VPS13A: variants seen among roughly 807,000 people sequenced by gnomAD.
The protein encoded by VPS13A is intermembrane lipid transfer protein VPS13A.
VPS13A carries 264 observed loss-of-function variants against 390.9 expected under a neutral mutation model. The ratio of observed to expected loss-of-function variants is 0.68; its 90% confidence interval spans 0.61 to 0.75. The LOEUF (loss-of-function observed/expected upper bound fraction) is 0.75. Ranked by LOEUF, VPS13A falls within the 30% of genes least tolerant of loss-of-function variation. The pLI is 0.00. For missense variants in VPS13A, 3,409 were observed against 3,733.9 expected (o/e 0.91, Z 2.27); for synonymous variants, 1,231 against 1,227.1 (o/e 1.00, Z -0.07).
chr9:77,179,029 A>G (rs1312313853), intron 1 of VPS13A, among the ~76,000 whole-genome samples: 1 of 152,194 alleles, frequency 6.6e-6, no homozygotes, highest in Non-Finnish European at 1.5e-5. Flanking sequence ...ATAGCTGCTC[A>G]GCCTGTTTGA....
At chr9:77,232,001 A>G (rs1247970521) in intron 17 of VPS13A, among the ~76,000 whole-genome samples, 3 of 152,308 alleles carry the variant, frequency 2.0e-5, no homozygotes, top group African/African-American at 7.2e-5. Flanking sequence ...CTTGTTGAAG[A>G]CACTATTCTT....
At chr9:77,406,750 G>GTAAT (rs1386206069) in intron 70 of VPS13A, among the ~76,000 whole-genome samples, 3 of 148,968 alleles carry the variant, frequency 2.0e-5, no homozygotes, top group African/African-American at 7.4e-5. Context: ...AAGAAAGAAT[G>GTAAT]TAATTCTTCT....
intron 7 of VPS13A, among the ~76,000 whole-genome samples, chr9:77,212,264 C>T (rs1047189470): frequency 6.6e-6 from 1 of 152,050 alleles, no homozygotes. Context: ...CCTGGTTTTA[C>T]TTTTTTTCTC....
rs138532040 is a variant in VPS13A at position 77,361,658 on chromosome 9, A to T, written c.8211+1017A>T. On this transcript the variant is annotated intron_variant, in intron 59 of 71. Transcript: ENST00000360280. ...CTAGGTATATAGCCAAAAGAAATAAAATTTTATTAGAAGTGGAATTGCTCA... is the reference window on the plus strand; with the variant it reads ...CTAGGTATATAGCCAAAAGAAATAATATTTTATTAGAAGTGGAATTGCTCA... Among the ~76,000 whole-genome samples, 652 of 152,204 alleles carry T rather than the reference A, an allele frequency of 4.3e-3. 4 individuals are homozygous for T. The highest frequency in any genetic ancestry group is 0.01 in the South Asian group (50 of 4,832).
At position 77,407,108 on chromosome 9, in the gene VPS13A, G is replaced by A. The variant is rs146314987; in HGVS notation, c.9400-425G>A. 1.8e-3 allele frequency among the ~76,000 whole-genome samples: 280 copies of A among 152,200 alleles called. 3 individuals are homozygous for A. Among genetic ancestry groups the A allele is most frequent in the Admixed American group, 0.016 (252 of 15,276 alleles). ...ACGCACACATGCACATACAATATAT[G>A]TATGTGTTTATGTACGTATGCATAC... On this transcript the variant is annotated intron_variant, in intron 70 of 71. Coordinates refer to ENST00000360280, the MANE Select transcript of VPS13A (RefSeq NM_033305.3).
intron 71 of VPS13A, among the ~76,000 whole-genome samples, chr9:77,412,026 C>A (rs1834956443): frequency 6.6e-6 from 1 of 152,104 alleles, no homozygotes; most frequent in Admixed American, 6.5e-5. Context: ...CACATACACC[C>A]TCCCAAGACT....
chr9:77,261,844 C>G (rs1015341635), intron 23 of VPS13A, among the ~76,000 whole-genome samples: 2 of 152,020 alleles, frequency 1.3e-5, no homozygotes, highest in Non-Finnish European at 2.9e-5. Context: ...ACTGGGCTCC[C>G]AAGTACTGGG....
rs1294716994 is a variant in VPS13A at position 77,227,439 on chromosome 9, C to A, written c.1406C>A (p.Ala469Glu). 1 of 1,613,682 alleles carries A rather than the reference C, an allele frequency of 6.2e-7. No homozygotes were observed. Among genetic ancestry groups the A allele is most frequent in the Non-Finnish European group, 8.5e-7 (1 of 1,179,828 alleles). ...GAAGAAAAAGCTTTACTCTATGAAG[C>A]AATTGGCTATAGTGAAACAGCAGTT... Reference protein sequence around the residue: ...TPEEKALLYEAIGYSETAVDP... With the variant: ...TPEEKALLYEEIGYSETAVDP... The change falls in exon 16 of 72, where the codon GCA (alanine) becomes GAA (glutamate). Residue 469 changes from alanine (A) to glutamate (E), a missense_variant. Ala to Glu is a moderately radical substitution (Grantham distance 107). Transcript: ENST00000360280.
At position 77,416,054 on chromosome 9, in the gene VPS13A, T is replaced by G; in HGVS notation, c.*48T>G. ...CACAGCAATAAGTGATTACAGCTCC[T>G]AGACTACCTTCCAAAACCTGTTTGG... On this transcript the variant is annotated 3_prime_UTR_variant, in exon 72 of 72. Coordinates refer to ENST00000360280, the MANE Select transcript of VPS13A (RefSeq NM_033305.3). 36 of 1,599,054 alleles carry G rather than the reference T, an allele frequency of 2.3e-5. No individual in the cohort carries two copies. The highest frequency in any genetic ancestry group is 2.7e-5 in the African/African-American group (2 of 74,712).
chr9:77,352,143 AT>A (rs1831508878), intron 53 of VPS13A, among the ~76,000 whole-genome samples: 1 of 152,250 alleles, frequency 6.6e-6, no homozygotes, highest in Admixed American at 6.5e-5. Context: ...TACTAGGTAG[AT>A]TTAGCTTCTG....
At chr9:77,407,761 G>A (rs1237558431) in intron 71 of VPS13A, 154 bp downstream of exon 71, 1 of 619,274 alleles carries the variant, frequency 1.6e-6, no homozygotes, top group Non-Finnish European at 2.8e-6. Flanking sequence ...TATGTAACCA[G>A]ATAATATTTA....
At chr9:77,281,306 C>A (rs1247593059) in intron 27 of VPS13A, among the ~76,000 whole-genome samples, 2 of 151,792 alleles carry the variant, frequency 1.3e-5, no homozygotes, top group Non-Finnish European at 1.5e-5. Flanking sequence ...TGTCTCACCA[C>A]AAAGAAAGAT....
In VPS13A at chr9:77,239,835, A is replaced by C. The variant is rs555984596; in HGVS notation, c.1900+1449A>C. ...GATACCTTTCTTCCCCCTTCCCTAC[A>C]ATCTACTATTGGGAAGTTAAATATT... On this transcript the variant is annotated intron_variant, in intron 19 of 71. Transcript: ENST00000360280. Among the ~76,000 whole-genome samples the C allele has an allele frequency of 5.3e-5, 8 of 151,984 alleles. No individual in the cohort carries two copies. In the East Asian group the frequency reaches 1.5e-3, roughly 29 times the overall value.
At chr9:77,298,429 G>A (rs1176582110) in intron 33 of VPS13A, among the ~76,000 whole-genome samples, 3 of 152,164 alleles carry the variant, frequency 2.0e-5, no homozygotes, top group South Asian at 2.1e-4. Context: ...CAAAAGAGAC[G>A]AAGTAGGAGC....
chr9:77,344,242 C>A lies in VPS13A; in HGVS notation c.7116C>A (p.Asn2372Lys). The change falls in exon 51 of 72, where the codon AAC becomes AAA. Residue 2372 changes from asparagine (N) to lysine (K), a missense_variant. Physicochemically the swap from Asn to Lys is moderately conservative, Grantham distance 94. Transcript: ENST00000360280. ...SEDPPKRIYF[N>K]KQENCILLRL... ...ATCCTCCCAAAAGGATATATTTTAA[C>A]AAGCAGGAAAATTGTATTCTATTGC... The A allele has an allele frequency of 1.2e-6, 2 of 1,613,382 alleles. No individual in the cohort carries two copies. The highest frequency in any genetic ancestry group is 1.7e-6 in the Non-Finnish European group (2 of 1,179,652).
At chr9:77,209,323 A>C (rs1825844103) in intron 5 of VPS13A, 100 bp from the exon 6 acceptor site, 1 of 795,846 alleles carries the variant, frequency 1.3e-6, no homozygotes, top group Non-Finnish European at 2.1e-6. Flanking sequence ...ATATATATGT[A>C]TATTTCAGCA....
chr9:77,239,127 A>C (rs1824318037), intron 19 of VPS13A, among the ~76,000 whole-genome samples: 1 of 151,980 alleles, frequency 6.6e-6, no homozygotes, highest in African/African-American at 2.4e-5. Context: ...TACATGAAAA[A>C]TGCCTCATTA....
chr9:77,251,157 T>G (rs913896876), intron 21 of VPS13A, among the ~76,000 whole-genome samples: 1 of 152,348 alleles, frequency 6.6e-6, no homozygotes, highest in African/African-American at 2.4e-5. Context: ...TTTTATCATA[T>G]TCTAATTGTG....
chr9:77,366,989 G>T (rs1007581351), intron 61 of VPS13A, 117 bp downstream of exon 61: 10 of 1,033,914 alleles, frequency 9.7e-6, no homozygotes, highest in African/African-American at 4.9e-5. Context: ...GCAAAATGAG[G>T]TTTTTGCATT....
Sources: allele counts gnomAD v4.1 joint callset (sites outside exome capture counted in the v4.1 genomes callset), GRCh38; gene constraint gnomAD v4.1.1; transcripts MANE v1.5; gene names NCBI Gene and HGNC (gene_info 2026-07-23, HGNC 2026-07-21).